Variants in CYP2C18 observed in about 807,000 individuals in gnomAD.
CYP2C18 encodes cytochrome P450 2C18.
CYP2C18 carries 38 observed loss-of-function variants against 41.3 expected under a neutral mutation model. That is an observed-to-expected ratio of 0.92 (90% CI 0.71 to 1.21). CYP2C18 has a LOEUF of 1.21. Ranked by LOEUF, CYP2C18 falls within the 50% of genes most tolerant of loss-of-function variation. The pLI, the probability that CYP2C18 is intolerant of heterozygous loss-of-function variation, is 0.00. For missense variants in CYP2C18, 635 were observed against 591.4 expected, an observed-to-expected ratio of 1.07 and a Z score of -0.77; for synonymous variants, 236 against 210.0, an observed-to-expected ratio of 1.12 and a Z score of -1.07.
intron 2 of CYP2C18, 47 bp downstream of exon 2, chr10:94,687,979 G>A: frequency 6.2e-7 from 1 of 1,603,554 alleles, no homozygotes. Context: ...TATGTACTGG[G>A]CAGTGGCTAT....
chr10:94,723,749 T>C (rs1373776315), intron 6 of CYP2C18, among the ~76,000 whole-genome samples: 1 of 151,248 alleles, frequency 6.6e-6, no homozygotes, highest in African/African-American at 2.4e-5. Context: ...TCCTCATCTT[T>C]CTTACCATGA....
chr10:94,718,743 G>A (rs540870555), intron 5 of CYP2C18, among the ~76,000 whole-genome samples: 23 of 152,238 alleles, frequency 1.5e-4, no homozygotes, highest in African/African-American at 5.3e-4. Context: ...AAGTGCTTGT[G>A]CACTAATATA....
Position 94,710,478 on chromosome 10 carries a change from AT to A in CYP2C18, c.819+3522del, listed in dbSNP as rs1305967295. On this transcript the variant is annotated intron_variant, in intron 5 of 8. Transcript: ENST00000285979. ...GTAGATCAATTTGGGAAGTAATGCC[AT>A]TTTAACGATATTAAGTCTTCCAATA... Among the ~76,000 whole-genome samples, 5 of 152,220 alleles carry A rather than the reference AT, an allele frequency of 3.3e-5. No homozygotes were observed. The East Asian group carries it at 7.7e-4, about 23-fold the overall frequency.
At chr10:94,695,838 C>T (rs1204552924) in intron 4 of CYP2C18, among the ~76,000 whole-genome samples, 1 of 152,110 alleles carries the variant, frequency 6.6e-6, no homozygotes, top group South Asian at 2.1e-4. Context: ...AGATTATATC[C>T]TTTGCATAGC....
chr10:94,721,535 G>A (rs917194597), intron 6 of CYP2C18, among the ~76,000 whole-genome samples: 3 of 151,750 alleles, frequency 2.0e-5, no homozygotes, highest in African/African-American at 7.2e-5. Context: ...GGTGAAGTCT[G>A]GGCTTTCAGT....
At chr10:94,723,252 A>T (rs1186145730) in intron 6 of CYP2C18, among the ~76,000 whole-genome samples, 1 of 152,130 alleles carries the variant, frequency 6.6e-6, no homozygotes, top group Admixed American at 6.6e-5. Context: ...AATTCAGGGG[A>T]AATCATGGGC....
At chr10:94,698,037 C>G (rs1225952902) in intron 4 of CYP2C18, among the ~76,000 whole-genome samples, 1 of 152,114 alleles carries the variant, frequency 6.6e-6, no homozygotes, top group Admixed American at 6.6e-5. Context: ...TAATGGGAGA[C>G]TTTAACACCC....
At chr10:94,690,889 T>C (rs1846985928) in intron 3 of CYP2C18, among the ~76,000 whole-genome samples, 1 of 152,180 alleles carries the variant, frequency 6.6e-6, no homozygotes, top group South Asian at 2.1e-4. Flanking sequence ...TCAATAAAAG[T>C]AATCCAGTAT....
chr10:94,702,634 C>G (rs937142930), intron 4 of CYP2C18, among the ~76,000 whole-genome samples: 1 of 151,908 alleles, frequency 6.6e-6, no homozygotes, highest in African/African-American at 2.4e-5. Flanking sequence ...AGCAATTCCT[C>G]TTTTTATCAA....
chr10:94,712,558 T>C (rs1847458550), intron 5 of CYP2C18, among the ~76,000 whole-genome samples: 2 of 152,188 alleles, frequency 1.3e-5, no homozygotes, highest in Non-Finnish European at 2.9e-5. Context: ...CTATTGTGTA[T>C]ATATACCACA....
In CYP2C18 at chr10:94,688,631, C is replaced by G. The variant is rs1589791168; in HGVS notation, c.481+357C>G. Among the ~76,000 whole-genome samples the G allele has an allele frequency of 2.0e-5, 3 of 152,188 alleles. No homozygotes were observed. In the South Asian group the frequency reaches 6.2e-4, roughly 32 times the overall value. On this transcript the variant is annotated intron_variant, in intron 3 of 8. Coordinates refer to ENST00000285979, the MANE Select transcript of CYP2C18 (RefSeq NM_000772.3). ...AGGGTGGAGGTTTGAAGCAGAGAGCCAAGGGAGGTTTTGTGCACCTATGCT... is the reference window on the plus strand; with the variant it reads ...AGGGTGGAGGTTTGAAGCAGAGAGCGAAGGGAGGTTTTGTGCACCTATGCT...
At chr10:94,728,771 A>G (rs1847784447) in intron 7 of CYP2C18, 3 of 175,562 alleles carry the variant, frequency 1.7e-5, no homozygotes, top group African/African-American at 7.2e-5. Flanking sequence ...TTTATTGGAG[A>G]TAGAACCACC....
At chr10:94,719,305 C>T (rs911978677) in intron 5 of CYP2C18, among the ~76,000 whole-genome samples, 15 of 152,224 alleles carry the variant, frequency 9.9e-5, no homozygotes, top group Admixed American at 6.5e-5. Flanking sequence ...TACAGGGTGT[C>T]ATGTTGGGCA....
chr10:94,730,884 T>C (rs956125007), intron 7 of CYP2C18, among the ~76,000 whole-genome samples: 1 of 152,198 alleles, frequency 6.6e-6, no homozygotes, highest in African/African-American at 2.4e-5. Context: ...ATATCAATAA[T>C]GTTCAAGCTG....
chr10:94,698,655 ATG>A (rs1847171113), intron 4 of CYP2C18, among the ~76,000 whole-genome samples: 1 of 151,176 alleles, frequency 6.6e-6, no homozygotes, highest in African/African-American at 2.4e-5. Context: ...GGAGATAGAG[ATG>A]CAAAAAACCC....
At chr10:94,716,719 C>T (rs1458453813) in intron 5 of CYP2C18, among the ~76,000 whole-genome samples, 1 of 152,120 alleles carries the variant, frequency 6.6e-6, no homozygotes, top group Non-Finnish European at 1.5e-5. Flanking sequence ...GAGCTGAGTT[C>T]AATTCCTGGA....
At chr10:94,701,173 T>C (rs1564641027) in intron 4 of CYP2C18, among the ~76,000 whole-genome samples, 1 of 152,184 alleles carries the variant, frequency 6.6e-6, no homozygotes, top group African/African-American at 2.4e-5. Context: ...TGCACACATA[T>C]GTTTATTGTG....
intron 7 of CYP2C18, among the ~76,000 whole-genome samples, chr10:94,727,860 A>G (rs1257817844): frequency 6.6e-6 from 1 of 152,120 alleles, no homozygotes; most frequent in African/African-American, 2.4e-5. Flanking sequence ...CTATCTACCT[A>G]TGTAATCTAA....
chr10:94,685,682 T>A (rs571767718), intron 1 of CYP2C18, among the ~76,000 whole-genome samples: 7 of 152,310 alleles, frequency 4.6e-5, no homozygotes, highest in Admixed American at 4.6e-4. Context: ...TTGGCACCTT[T>A]GTCAAAAATC....
Sources: allele counts gnomAD v4.1 joint callset (sites outside exome capture counted in the v4.1 genomes callset), GRCh38; gene constraint gnomAD v4.1.1; transcripts MANE v1.5; gene names NCBI Gene and HGNC (gene_info 2026-07-23, HGNC 2026-07-21).